The following DNAH8 variants were observed in gnomAD, a reference collection of about 807,000 sequenced individuals.
The protein encoded by DNAH8 is dynein axonemal heavy chain 8, also known as axonemal beta dynein heavy chain 8.
In DNAH8, 382 loss-of-function variants were observed where a neutral mutation model predicts 562.1. The observed-to-expected ratio is 0.68, with a 90% CI of 0.63 to 0.74. The LOEUF (loss-of-function observed/expected upper bound fraction) is 0.74. Ranked by LOEUF, DNAH8 falls within the 30% of genes least tolerant of loss-of-function variation. The probability of loss-of-function intolerance (pLI) is 0.00; values close to 1 mark genes in which losing one functional copy is unlikely to be tolerated. For missense variants in DNAH8, 5,203 were observed against 5,620.4 expected, an observed-to-expected ratio of 0.93 and a Z score of 2.37; for synonymous variants, 1,881 against 1,919.4, an observed-to-expected ratio of 0.98 and a Z score of 0.52.
At position 38,944,228 on chromosome 6, in the gene DNAH8, G is replaced by A. The variant is rs900313747; in HGVS notation, c.12008-1239G>A. Reference sequence around the variant, plus strand: ...CTGTTGCTCCAGTGAGACCTGCTCTGTCTCCAGGTTGCAGAGGGGCCGACA... The same window carrying A: ...CTGTTGCTCCAGTGAGACCTGCTCTATCTCCAGGTTGCAGAGGGGCCGACA... On this transcript the variant is annotated intron_variant, in intron 79 of 92. Coordinates refer to ENST00000327475, the MANE Select transcript of DNAH8 (RefSeq NM_001206927.2). 1.1e-4 allele frequency among the ~76,000 whole-genome samples: 16 copies of A among 152,304 alleles called. No homozygotes were observed. In the East Asian group the frequency reaches 3.1e-3, roughly 29 times the overall value.
intron 17 of DNAH8, among the ~76,000 whole-genome samples, chr6:38,783,469 C>T (rs188895736): frequency 1.3e-5 from 2 of 152,282 alleles, no homozygotes; most frequent in East Asian, 1.9e-4. Flanking sequence ...AGATTCAAAT[C>T]TCAGTCCCAT....
chr6:38,852,560 G>C, intron 39 of DNAH8, 134 bp from the exon 40 acceptor site: 1 of 616,980 alleles, frequency 1.6e-6, no homozygotes, highest in Non-Finnish European at 2.8e-6. Context: ...TCAAAGCAGA[G>C]TCTCTCTCTA....
chr6:38,944,843 C>A (rs1783724811), intron 79 of DNAH8, among the ~76,000 whole-genome samples: 1 of 152,148 alleles, frequency 6.6e-6, no homozygotes, highest in African/African-American at 2.4e-5. Flanking sequence ...AAATATTACT[C>A]ATCCACTAAA....
chr6:38,720,903 A>C (rs1762700889), intron 1 of DNAH8, among the ~76,000 whole-genome samples: 1 of 151,260 alleles, frequency 6.6e-6, no homozygotes, highest in Non-Finnish European at 1.5e-5. Flanking sequence ...GAGATTAAAA[A>C]ACCCAGAAAT....
intron 11 of DNAH8, chr6:38,763,028 C>G: frequency 2.5e-6 from 1 of 401,326 alleles, no homozygotes; most frequent in Non-Finnish European, 4.9e-6. Context: ...TACACAGAGA[C>G]AGATCAAAGC....
In DNAH8 at chr6:38,857,739, C is replaced by T; in HGVS notation, c.5955C>T (p.Asp1985=). The change falls in exon 42 of 93, where the codon GAC becomes GAT. Residue 1985 remains aspartate, a synonymous_variant. Coordinates refer to ENST00000327475, the MANE Select transcript of DNAH8 (RefSeq NM_001206927.2). ...TGCATCAGAGAGATATTTTTGATGACTTGGTAAGGTATCTTTTTTTTTAAT... is the reference window on the plus strand; with the variant it reads ...TGCATCAGAGAGATATTTTTGATGATTTGGTAAGGTATCTTTTTTTTTAAT... ...IHVHQRDIFD[D]LVKMHIKSPT... 6.3e-7 allele frequency: 1 copy of T among 1,587,022 alleles called. No individual in the cohort carries two copies. The highest frequency in any genetic ancestry group is 8.6e-7 in the Non-Finnish European group (1 of 1,160,202).
At chr6:38,780,152 A>G in intron 15 of DNAH8, 87 bp downstream of exon 15, 2 of 1,235,858 alleles carry the variant, frequency 1.6e-6, no homozygotes, top group Non-Finnish European at 1.1e-6. Context: ...TCTCATGCCA[A>G]GCTTTTCAGA....
At chr6:38,725,339 A>AATAATAAT (rs1763132397) in intron 3 of DNAH8, among the ~76,000 whole-genome samples, 1 of 51,838 alleles carries the variant, frequency 1.9e-5, no homozygotes, top group Non-Finnish European at 4.3e-5. Context: ...ATAATAATAA[A>AATAATAAT]GAGCTACTCC....
chr6:38,994,765 CT>C (rs1765026732), intron 88 of DNAH8, among the ~76,000 whole-genome samples: 1 of 151,484 alleles, frequency 6.6e-6, no homozygotes, highest in South Asian at 2.1e-4. Context: ...CTGCCTCAGC[CT>C]CCTGAGTAGA....
chr6:39,002,953 T>A (rs1299912621), intron 88 of DNAH8, among the ~76,000 whole-genome samples: 3 of 152,180 alleles, frequency 2.0e-5, no homozygotes, highest in Non-Finnish European at 4.4e-5. Context: ...AGTTCGGGTA[T>A]GCATGTTTGG....
intron 19 of DNAH8, 99 bp downstream of exon 19, chr6:38,789,982 C>A (rs1054131394): frequency 4.6e-6 from 4 of 864,934 alleles, no homozygotes; most frequent in Non-Finnish European, 7.2e-6. Context: ...CTTCTTTAGA[C>A]CCTCCATCTT....
intron 10 of DNAH8, among the ~76,000 whole-genome samples, chr6:38,761,176 T>C (rs1028328703): frequency 1.0e-4 from 15 of 150,554 alleles, no homozygotes; most frequent in African/African-American, 3.6e-4. Context: ...TTGTTACATA[T>C]GTATACATGT....
At chr6:38,870,590 A>G in intron 49 of DNAH8, 28 bp downstream of exon 49, 1 of 1,585,178 alleles carries the variant, frequency 6.3e-7, no homozygotes, top group Non-Finnish European at 8.6e-7. Context: ...TATTATTAGT[A>G]TAATGATAAG....
chr6:38,866,563 T>G lies in DNAH8; in HGVS notation c.6499-28T>G, dbSNP rs769949936. On this transcript the variant is annotated intron_variant, in intron 45 of 92. Coordinates refer to ENST00000327475, the MANE Select transcript of DNAH8 (RefSeq NM_001206927.2). ...CAGAAATGAAAATTGTTTTAGCAAT[T>G]AAAAATTAAACATATTTTAACTTTT... 3.4e-5 allele frequency: 51 copies of G among 1,504,990 alleles called. No individual in the cohort carries two copies. In the South Asian group the frequency reaches 4.8e-4, roughly 14 times the overall value. The allele number at this position is 1,504,990 out of a possible 1,614,324, so 93.2% of individuals were successfully genotyped here.
chr6:38,758,482 A>G (rs922716825), intron 10 of DNAH8, among the ~76,000 whole-genome samples: 2 of 151,966 alleles, frequency 1.3e-5, no homozygotes, highest in Admixed American at 1.3e-4. Context: ...AAACAGGGAC[A>G]ATTTGACTTC....
chr6:38,923,085 C>T lies in DNAH8; in HGVS notation c.10690C>T (p.Arg3564Trp), dbSNP rs748121138. Reference protein sequence around the residue: ...MDLLNDADTCRKKMQAASTLI... With the variant: ...MDLLNDADTCWKKMQAASTLI... ...TTTGCTTAATGACGCTGATACGTGCCGGAAAAAGATGCAGGCCGCCTCCAC... is the reference window on the plus strand; with the variant it reads ...TTTGCTTAATGACGCTGATACGTGCTGGAAAAAGATGCAGGCCGCCTCCAC... The change falls in exon 72 of 93, where the codon CGG (arginine) becomes TGG (tryptophan). Residue 3564 changes from arginine (R) to tryptophan (W), a missense_variant. Coordinates refer to ENST00000327475, the MANE Select transcript of DNAH8 (RefSeq NM_001206927.2). 34 of 1,613,220 alleles carry T rather than the reference C, an allele frequency of 2.1e-5. No homozygotes were observed. Among genetic ancestry groups the T allele is most frequent in the Middle Eastern group, 3.3e-4 (2 of 6,074 alleles).
intron 35 of DNAH8, among the ~76,000 whole-genome samples, chr6:38,844,335 TA>T (rs1220373970): frequency 6.6e-6 from 1 of 152,168 alleles, no homozygotes; most frequent in African/African-American, 2.4e-5. Flanking sequence ...TTACTTACTT[TA>T]AAAAAATTAT....
At chr6:38,815,003 A>G (rs1268581637) in intron 25 of DNAH8, among the ~76,000 whole-genome samples, 1 of 152,098 alleles carries the variant, frequency 6.6e-6, no homozygotes, top group Non-Finnish European at 1.5e-5. Context: ...CCACCTTTAC[A>G]TGGTCTGACC....
chr6:38,989,601 CTGGTATGAGCCCCA>C (rs759181208), intron 87 of DNAH8, among the ~76,000 whole-genome samples: 3 of 152,182 alleles, frequency 2.0e-5, no homozygotes, highest in Non-Finnish European at 4.4e-5. Context: ...GCACATCCTT[CTGGTATGAGCCCCA>C]TGTCGGGGAG....
Sources: allele counts gnomAD v4.1 joint callset (sites outside exome capture counted in the v4.1 genomes callset), GRCh38; gene constraint gnomAD v4.1.1; transcripts MANE v1.5; gene names NCBI Gene and HGNC (gene_info 2026-07-23, HGNC 2026-07-21).